TPM3: variants seen among roughly 807,000 people sequenced by gnomAD.
TPM3 encodes the protein tropomyosin 3.
Under a neutral mutation model 43.1 loss-of-function variants are expected in TPM3, and 16 were observed. The ratio of observed to expected loss-of-function variants is 0.37; its 90% CI spans 0.25 to 0.56. TPM3 has a LOEUF of 0.56. Among genes scored for constraint, TPM3 ranks in the 20% least tolerant of loss-of-function variants. The probability of loss-of-function intolerance (pLI) is 0.77; values close to 1 mark genes in which losing one functional copy is unlikely to be tolerated. For missense variants in TPM3, 176 were observed against 337.2 expected (o/e 0.52, Z 3.74); for synonymous variants, 101 against 116.9 (o/e 0.86, Z 0.88).
chr1:154,184,420 G>A lies in TPM3; in HGVS notation c.243+6766C>T, dbSNP rs143124966. On this transcript the variant is annotated intron_variant, in intron 2 of 9. Coordinates refer to ENST00000651641, the MANE Select transcript of TPM3 (RefSeq NM_152263.4). ...TTGGCAATTTAATCATCAGCTGGGC[G>A]TGGTAGCTCATGTCTGTAAGTCTAG... is the stretch of plus-strand genomic sequence containing the variant. 1.3e-4 allele frequency among the ~76,000 whole-genome samples: 20 copies of A among 152,326 alleles called. No individual in the cohort carries two copies. In the East Asian group the frequency reaches 3.9e-3, roughly 29 times the overall value.
At position 154,177,888 on chromosome 1, in the gene TPM3, C is replaced by G. The variant is rs1002511610; in HGVS notation, c.244-1640G>C. 2.0e-5 allele frequency among the ~76,000 whole-genome samples: 3 copies of G among 152,298 alleles called. No individual in the cohort carries two copies. In the East Asian group the frequency reaches 5.8e-4, roughly 29 times the overall value. On this transcript the variant is annotated intron_variant, in intron 2 of 9. Transcript: ENST00000651641. ...AATCTAGCCACCAGGCAAAGAAAAT[C>G]GAGAAGTCAACATAAGCTGAAATCA... is the stretch of plus-strand genomic sequence containing the variant.
Position 154,166,979 on chromosome 1 carries a change from G to A in TPM3, c.*958C>T, listed in dbSNP as rs577888532. Among the ~76,000 whole-genome samples the A allele has an allele frequency of 3.7e-4, 56 of 152,210 alleles. 1 individual carries two copies. The South Asian group carries it at 7.9e-3, about 21-fold the overall frequency. Reference sequence around the variant, plus strand: ...ATTATAGGCGTGAGCTACCACGCCCGGCCTATAATGGGAATTTCTAAAATG... The same window carrying A: ...ATTATAGGCGTGAGCTACCACGCCCAGCCTATAATGGGAATTTCTAAAATG... On this transcript the variant is annotated 3_prime_UTR_variant, in exon 10 of 10. Coordinates refer to ENST00000651641, the MANE Select transcript of TPM3 (RefSeq NM_152263.4).
intron 2 of TPM3, among the ~76,000 whole-genome samples, chr1:154,184,366 C>G (rs1663296012): frequency 6.6e-6 from 1 of 152,140 alleles, no homozygotes. Flanking sequence ...AACCTTCCAG[C>G]CCCTCCAAAC....
At chr1:154,174,894 AT>A (rs1369244059) in intron 3 of TPM3, among the ~76,000 whole-genome samples, 2 of 152,118 alleles carry the variant, frequency 1.3e-5, no homozygotes, top group Admixed American at 6.5e-5. Flanking sequence ...GAAAGGCACT[AT>A]TTATTCTGAA....
At chr1:154,182,079 G>A (rs1488320059) in intron 2 of TPM3, among the ~76,000 whole-genome samples, 2 of 152,118 alleles carry the variant, frequency 1.3e-5, no homozygotes, top group Non-Finnish European at 2.9e-5. Context: ...CTTGAGACTG[G>A]CACACCATCT....
intron 2 of TPM3, chr1:154,187,221 A>T: frequency 3.8e-6 from 3 of 787,470 alleles, no homozygotes; most frequent in Non-Finnish European, 4.6e-6. Context: ...GAGAGATAAG[A>T]AAGCCAGTAG....
At position 154,170,511 on chromosome 1, in the gene TPM3, AAAG is replaced by A. The variant is rs762350740; in HGVS notation, c.706-45_706-43del. The A allele has an allele frequency of 2.9e-4, 464 of 1,610,402 alleles. 1 individual carries two copies. Among genetic ancestry groups the A allele is most frequent in the Non-Finnish European group, 3.1e-4 (370 of 1,176,738 alleles). On this transcript the variant is annotated intron_variant, in intron 7 of 9. Coordinates refer to ENST00000651641, the MANE Select transcript of TPM3 (RefSeq NM_152263.4). ...ATTAGTCAGAACCAGAGATGAAGAC[AAAG>A]AAGAACAATCTCTATTTCTTCCACC...
At position 154,162,915 on chromosome 1, in the gene TPM3, T is replaced by C. The variant is rs1054460406; in HGVS notation, c.*5022A>G. Among the ~76,000 whole-genome samples the C allele has an allele frequency of 1.3e-5, 2 of 152,094 alleles. No individual in the cohort carries two copies. The highest frequency in any genetic ancestry group is 2.9e-5 in the Non-Finnish European group (2 of 67,994). On this transcript the variant is annotated 3_prime_UTR_variant, in exon 10 of 10. Coordinates refer to ENST00000651641, the MANE Select transcript of TPM3 (RefSeq NM_152263.4). ...CTCCCTCTTATTTCCTTCTTTTTTTTCTCTCCTGCCTCAGCCTCTCGAGTA... is the reference window on the plus strand; with the variant it reads ...CTCCCTCTTATTTCCTTCTTTTTTTCCTCTCCTGCCTCAGCCTCTCGAGTA...
At chr1:154,171,956 C>T (rs1661621672) in intron 5 of TPM3, 1 of 1,532,750 alleles carries the variant, frequency 6.5e-7, no homozygotes, top group South Asian at 1.1e-5. Flanking sequence ...GGGGAGGCAG[C>T]TGCAAAACAA....
Position 154,167,221 on chromosome 1 carries a change from G to A in TPM3, c.*716C>T, listed in dbSNP as rs1193504412. ...CTCAAATATGTAAGAAAGGTTTAAA[G>A]AAGAAAAAGTAAAAAAACCGTCCAG... is the stretch of plus-strand genomic sequence containing the variant. On this transcript the variant is annotated 3_prime_UTR_variant, in exon 10 of 10. Transcript: ENST00000651641. 2.4e-6 allele frequency: 2 copies of A among 849,314 alleles called. No homozygotes were observed. Among genetic ancestry groups the A allele is most frequent in the Non-Finnish European group, 2.8e-6 (2 of 706,330 alleles). 52.6% of individuals were successfully genotyped at this position (849,314 alleles called of 1,614,324 possible).
At chr1:154,155,905 T>G (rs2148177580), downstream of TPM3, 1 of 203,116 alleles carries the variant, frequency 4.9e-6, no homozygotes, top group Non-Finnish European at 1.0e-5. Context: ...ATTTTACAGA[T>G]GATAAAACTA....
At chr1:154,183,688 A>G (rs1274675994) in intron 2 of TPM3, 1 of 175,504 alleles carries the variant, frequency 5.7e-6, no homozygotes, top group African/African-American at 2.4e-5. Flanking sequence ...AGCCCCACTC[A>G]GTCTCCTTTC....
intron 2 of TPM3, chr1:154,183,366 C>T: frequency 7.4e-7 from 1 of 1,348,234 alleles, no homozygotes; most frequent in Middle Eastern, 2.7e-4. Context: ...CCGGCCTTAC[C>T]TTGGGCCAGT....
At chr1:154,160,255 A>AT (rs1485356086), downstream of TPM3, among the ~76,000 whole-genome samples, 1 of 152,166 alleles carries the variant, frequency 6.6e-6, no homozygotes, top group Non-Finnish European at 1.5e-5. Context: ...TTCTCCCTAT[A>AT]TTTTACAGCC....
intron 2 of TPM3, among the ~76,000 whole-genome samples, chr1:154,190,490 G>A (rs1663632891): frequency 6.6e-6 from 1 of 152,060 alleles, no homozygotes; most frequent in South Asian, 2.1e-4. Flanking sequence ...TTTTATTTGA[G>A]AATGGGAAAA....
In TPM3 at chr1:154,167,313, T is replaced by G. The variant is rs1335703302; in HGVS notation, c.*624A>C. The G allele has an allele frequency of 6.1e-6, 6 of 985,228 alleles. No individual in the cohort carries two copies. The highest frequency in any genetic ancestry group is 6.0e-6 in the Non-Finnish European group (5 of 829,902). The allele number at this position is 985,228 out of a possible 1,614,324, so 61.0% of individuals were successfully genotyped here. A position where few individuals can be genotyped will look rare whatever the true frequency, so the allele number is the denominator to read the frequency against. ...TAATTAGTCAATCTTAGCAATAATG[T>G]ATTGGGTTCACTGGGTGTTCTGAGG... On this transcript the variant is annotated 3_prime_UTR_variant, in exon 10 of 10. Transcript: ENST00000651641.
At chr1:154,172,497 A>T (rs1380077437) in intron 5 of TPM3, 1 of 500,388 alleles carries the variant, frequency 2.0e-6, no homozygotes, top group Non-Finnish European at 4.0e-6. Context: ...GGTTCAAGCA[A>T]CCTTCCTGCC....
rs189451153 is a variant in TPM3 at position 154,181,969 on chromosome 1, C to T, written c.244-5721G>A. ...ATCACTAGAATCACTGTTCACTCCACCAACATTTTATGTTTCCACTTTCAG... is the reference window on the plus strand; with the variant it reads ...ATCACTAGAATCACTGTTCACTCCATCAACATTTTATGTTTCCACTTTCAG... On this transcript the variant is annotated intron_variant, in intron 2 of 9. Transcript: ENST00000651641. Among the ~76,000 whole-genome samples the T allele has an allele frequency of 2.2e-4, 34 of 152,212 alleles. No homozygotes were observed. In the East Asian group the frequency reaches 6.0e-3, roughly 27 times the overall value.
At chr1:154,173,253 A>G in intron 3 of TPM3, 52 bp from the exon 4 acceptor site, 1 of 1,458,332 alleles carries the variant, frequency 6.9e-7, no homozygotes, top group South Asian at 1.1e-5. Context: ...GTGTGTCGTC[A>G]GCTCCACTCC....
Sources: allele counts gnomAD v4.1 joint callset (sites outside exome capture counted in the v4.1 genomes callset), GRCh38; gene constraint gnomAD v4.1.1; transcripts MANE v1.5; gene names NCBI Gene and HGNC (gene_info 2026-07-23, HGNC 2026-07-21).